COX7B2: variants seen among roughly 807,000 people sequenced by gnomAD.
COX7B2 encodes the protein cytochrome c oxidase subunit 7B2, mitochondrial.
For missense variants in COX7B2, 109 were observed against 95.9 expected (o/e 1.14, Z -0.57); for synonymous variants, 37 against 32.1 (o/e 1.15, Z -0.51).
At chr4:46,759,135 C>G (rs1560359392) in intron 2 of COX7B2, among the ~76,000 whole-genome samples, 1 of 152,104 alleles carries the variant, frequency 6.6e-6, no homozygotes, top group Non-Finnish European at 1.5e-5. Flanking sequence ...GAAAGATATA[C>G]TTCTATCCCA....
intron 2 of COX7B2, among the ~76,000 whole-genome samples, chr4:46,832,582 C>A (rs1036231911): frequency 6.6e-6 from 1 of 152,008 alleles, no homozygotes; most frequent in African/African-American, 2.4e-5. Flanking sequence ...GGAGGTCTGA[C>A]CCCTCCAAAT....
At chr4:46,744,233 C>G (rs941713353) in intron 2 of COX7B2, among the ~76,000 whole-genome samples, 5 of 151,964 alleles carry the variant, frequency 3.3e-5, no homozygotes, top group African/African-American at 4.8e-5. Context: ...CATCAAAGTA[C>G]CAGATCCCCG....
chr4:46,888,647 C>A (rs1024159356), intron 1 of COX7B2, among the ~76,000 whole-genome samples: 5 of 152,028 alleles, frequency 3.3e-5, no homozygotes, highest in African/African-American at 1.2e-4. Context: ...GGGGTTTCAC[C>A]ATGTTAGTCA....
chr4:46,861,837 C>T (rs1717351788), intron 1 of COX7B2, among the ~76,000 whole-genome samples: 1 of 152,188 alleles, frequency 6.6e-6, no homozygotes, highest in Non-Finnish European at 1.5e-5. Flanking sequence ...CATTCCCCTT[C>T]CCACAGAGTG....
intron 2 of COX7B2, among the ~76,000 whole-genome samples, chr4:46,755,463 C>T (rs1254089704): frequency 6.6e-6 from 1 of 151,936 alleles, no homozygotes; most frequent in Non-Finnish European, 1.5e-5. Flanking sequence ...AAACCCTCAA[C>T]AGAGTAATCG....
At chr4:46,822,837 G>A (rs1368879671) in intron 2 of COX7B2, among the ~76,000 whole-genome samples, 2 of 152,030 alleles carry the variant, frequency 1.3e-5, no homozygotes, top group East Asian at 3.8e-4. Flanking sequence ...TAATAGGTCA[G>A]AAATAAAAAT....
intron 2 of COX7B2, among the ~76,000 whole-genome samples, chr4:46,791,245 G>A (rs900001653): frequency 4.0e-5 from 6 of 151,196 alleles, no homozygotes; most frequent in East Asian, 1.9e-4. Flanking sequence ...TCCTGACCTC[G>A]TGATCCTCCC....
At chr4:46,749,930 G>A (rs186432881) in intron 2 of COX7B2, among the ~76,000 whole-genome samples, 3 of 152,056 alleles carry the variant, frequency 2.0e-5, no homozygotes, top group East Asian at 1.9e-4. Flanking sequence ...CTACCAAACC[G>A]GATGCTCCTA....
At chr4:46,854,013 AT>A (rs1460995573) in intron 1 of COX7B2, among the ~76,000 whole-genome samples, 1 of 152,158 alleles carries the variant, frequency 6.6e-6, no homozygotes, top group Non-Finnish European at 1.5e-5. Flanking sequence ...CTTTAGAACT[AT>A]TTTTTAGCCA....
rs58139781 is a variant in COX7B2, at chr4:46,750,195, TACACACACACACACACACAC to T, written c.-49-14974_-49-14955del. 5.3e-5 allele frequency among the ~76,000 whole-genome samples: 6 copies of T among 113,856 alleles called. No individual in the cohort carries two copies. The East Asian group carries it at 1.4e-3, about 26-fold the overall frequency. The allele number at this position is 113,856 out of a possible 152,430, so 74.7% of individuals were successfully genotyped here. On this transcript the variant is annotated intron_variant, in intron 2 of 2. Transcript: ENST00000355591. ...GGACAACACAATGAGATCCCATCTC[TACACACACACACACACACAC>T]ACACACACACACACACACACACACA...
At chr4:46,773,769 T>G (rs968690594) in intron 2 of COX7B2, among the ~76,000 whole-genome samples, 2 of 152,170 alleles carry the variant, frequency 1.3e-5, no homozygotes, top group Non-Finnish European at 2.9e-5. Context: ...TCATTTTTAA[T>G]AGACTTAATT....
intron 2 of COX7B2, among the ~76,000 whole-genome samples, chr4:46,754,714 G>GTATATA (rs1715649382): frequency 4.7e-5 from 1 of 21,350 alleles, no homozygotes; most frequent in African/African-American, 2.6e-4. Context: ...GTGTGTGTGT[G>GTATATA]TGTGTGTGTG....
chr4:46,888,735 C>A (rs998804838), intron 1 of COX7B2, among the ~76,000 whole-genome samples: 1 of 152,048 alleles, frequency 6.6e-6, no homozygotes, highest in Admixed American at 6.6e-5. Context: ...CATGAGCCAC[C>A]GCGCCCAGCC....
intron 2 of COX7B2, among the ~76,000 whole-genome samples, chr4:46,844,737 AT>A (rs1716155210): frequency 6.6e-6 from 1 of 152,026 alleles, no homozygotes; most frequent in Non-Finnish European, 1.5e-5. Flanking sequence ...GATAAAAAAT[AT>A]TTTATTTTTG....
intron 2 of COX7B2, among the ~76,000 whole-genome samples, chr4:46,833,567 AT>A (rs1715310192): frequency 3.3e-5 from 5 of 152,206 alleles, no homozygotes; most frequent in Admixed American, 3.3e-4. Context: ...GAGAAACTCA[AT>A]GAAAAATCTA....
chr4:46,815,848 A>G (rs1195688703), intron 2 of COX7B2, among the ~76,000 whole-genome samples: 3 of 152,230 alleles, frequency 2.0e-5, no homozygotes, highest in African/African-American at 7.2e-5. Flanking sequence ...AATACAGATT[A>G]ATTGTCTTAG....
intron 2 of COX7B2, among the ~76,000 whole-genome samples, chr4:46,738,063 G>T (rs1325873098): frequency 2.6e-5 from 4 of 152,134 alleles, no homozygotes; most frequent in African/African-American, 9.7e-5. Context: ...TAGGCAGAAG[G>T]TGACATCGGT....
At chr4:46,785,383 T>C (rs1000104511) in intron 2 of COX7B2, among the ~76,000 whole-genome samples, 17 of 152,108 alleles carry the variant, frequency 1.1e-4, no homozygotes, top group African/African-American at 4.1e-4. Flanking sequence ...CAATTTTTTT[T>C]TTTTTTTTGA....
At chr4:46,892,326 T>A (rs1719475709) in intron 1 of COX7B2, among the ~76,000 whole-genome samples, 1 of 152,208 alleles carries the variant, frequency 6.6e-6, no homozygotes, top group South Asian at 2.1e-4. Context: ...TCACATGAGT[T>A]ATTATATGTA....
Sources: gnomAD v4.1 joint callset for allele counts (sites outside exome capture counted in the v4.1 genomes callset) on GRCh38, gnomAD v4.1.1 for gene constraint, MANE v1.5 for transcripts, NCBI Gene and HGNC (gene_info 2026-07-23, HGNC 2026-07-21) for gene names.